The following LOXL2 variants were observed in gnomAD, a reference collection of about 807,000 sequenced individuals.
The protein encoded by LOXL2 is lysyl oxidase like 2.
In LOXL2, 70 loss-of-function variants were observed where a neutral mutation model predicts 93.0. The observed-to-expected ratio is 0.75, with a 90% CI of 0.62 to 0.92. LOXL2 has a LOEUF of 0.92. Among genes scored for constraint, LOXL2 ranks in the 40% least tolerant of loss-of-function variants. The pLI is 0.00. For missense variants in LOXL2, 973 were observed against 1,054.9 expected (o/e 0.92, Z 1.08); for synonymous variants, 438 against 413.2 (o/e 1.06, Z -0.73).
At chr8:23,403,901 C>T (rs1800184658) in intron 1 of LOXL2, 53 bp downstream of exon 1, 1 of 156,834 alleles carries the variant, frequency 6.4e-6, no homozygotes, top group Non-Finnish European at 1.4e-5. Flanking sequence ...AGGGACGCTC[C>T]CGCTTTCTCG....
intron 1 of LOXL2, among the ~76,000 whole-genome samples, 183 bp from the exon 2 acceptor site, chr8:23,368,617 C>T (rs1041300186): frequency 6.6e-6 from 1 of 152,224 alleles, no homozygotes; most frequent in African/African-American, 2.4e-5. Flanking sequence ...TTACCTACTG[C>T]CTTGTCATCT....
chr8:23,400,929 A>C (rs1800145559), intron 1 of LOXL2, among the ~76,000 whole-genome samples: 1 of 152,194 alleles, frequency 6.6e-6, no homozygotes, highest in Non-Finnish European at 1.5e-5. Flanking sequence ...CAAGCACCAA[A>C]TGTCCAATTA....
At chr8:23,349,059 C>G (rs1340756506) in intron 3 of LOXL2, among the ~76,000 whole-genome samples, 1 of 152,124 alleles carries the variant, frequency 6.6e-6, no homozygotes. Context: ...CTTTGCAGAC[C>G]TTCGTGACCC....
At chr8:23,302,242 C>T in intron 11 of LOXL2, 79 bp from the exon 12 acceptor site, 1 of 1,569,772 alleles carries the variant, frequency 6.4e-7, no homozygotes, top group Non-Finnish European at 8.7e-7. Flanking sequence ...TTCCAAGGCC[C>T]CTACCGCTGC....
At position 23,343,581 on chromosome 8, in the gene LOXL2, C is replaced by T. The variant is rs577842575; in HGVS notation, c.532-2378G>A. On this transcript the variant is annotated intron_variant, in intron 3 of 13. Transcript: ENST00000389131. ...CATTCTTTGGGTGCCCAGGGATTCACGTCTCCTCGCCATGGGCTTCAGGGT... is the reference window on the plus strand; with the variant it reads ...CATTCTTTGGGTGCCCAGGGATTCATGTCTCCTCGCCATGGGCTTCAGGGT... Among the ~76,000 whole-genome samples the T allele has an allele frequency of 5.0e-4, 76 of 152,362 alleles. 1 individual carries two copies. The highest frequency in any genetic ancestry group is 1.4e-3 in the African/African-American group (60 of 41,590).
At chr8:23,303,715 G>A (rs1803179979) in intron 10 of LOXL2, among the ~76,000 whole-genome samples, 1 of 152,198 alleles carries the variant, frequency 6.6e-6, no homozygotes, top group African/African-American at 2.4e-5. Flanking sequence ...CATATGATAA[G>A]CACAGAACTC....
intron 1 of LOXL2, chr8:23,382,598 C>T (rs1804695965): frequency 6.6e-6 from 1 of 151,812 alleles, no homozygotes; most frequent in Non-Finnish European, 1.5e-5. Flanking sequence ...TTTATCCTCA[C>T]TTTTTCCCAG....
At chr8:23,340,129 G>A (rs760638303) in intron 4 of LOXL2, among the ~76,000 whole-genome samples, 1 of 152,202 alleles carries the variant, frequency 6.6e-6, no homozygotes, top group Non-Finnish European at 1.5e-5. Context: ...CAGGGTGTGC[G>A]TGAGGCCTGG....
intron 5 of LOXL2, among the ~76,000 whole-genome samples, chr8:23,330,269 G>A (rs1470389612): frequency 6.6e-6 from 1 of 152,228 alleles, no homozygotes; most frequent in Non-Finnish European, 1.5e-5. Flanking sequence ...GGGAGGCGGA[G>A]CTTGCAGTGA....
chr8:23,302,607 C>T (rs762676407), intron 11 of LOXL2, among the ~76,000 whole-genome samples: 1 of 152,224 alleles, frequency 6.6e-6, no homozygotes, highest in Non-Finnish European at 1.5e-5. Flanking sequence ...GAGGTCAACA[C>T]CTGTCTGCTG....
chr8:23,321,844 T>G, intron 7 of LOXL2: 1 of 385,446 alleles, frequency 2.6e-6, no homozygotes, highest in Non-Finnish European at 4.7e-6. Flanking sequence ...CCCACGCCTG[T>G]CTTTGGAGGT....
chr8:23,314,846 T>G (rs1199511086), intron 9 of LOXL2, among the ~76,000 whole-genome samples: 1 of 146,574 alleles, frequency 6.8e-6, no homozygotes, highest in Non-Finnish European at 1.5e-5. Context: ...AAAATAAAAA[T>G]AAAAATAAAA....
chr8:23,384,016 G>A (rs1458047864), intron 1 of LOXL2, among the ~76,000 whole-genome samples: 2 of 152,180 alleles, frequency 1.3e-5, no homozygotes, highest in Non-Finnish European at 2.9e-5. Context: ...AAGTAAGAAC[G>A]TTAGGATTTT....
chr8:23,300,077 G>A (rs1803103869), intron 12 of LOXL2, among the ~76,000 whole-genome samples: 1 of 152,248 alleles, frequency 6.6e-6, no homozygotes, highest in Non-Finnish European at 1.5e-5. Context: ...ATGGCATGGG[G>A]CAAACACAGC....
chr8:23,367,312 G>C (rs1390662667), intron 2 of LOXL2, among the ~76,000 whole-genome samples: 2 of 152,166 alleles, frequency 1.3e-5, no homozygotes, highest in African/African-American at 2.4e-5. Flanking sequence ...GTCTCCCAAA[G>C]TGCTGGGATT....
chr8:23,361,050 G>T (rs540230985), intron 2 of LOXL2, among the ~76,000 whole-genome samples: 1 of 152,160 alleles, frequency 6.6e-6, no homozygotes, highest in African/African-American at 2.4e-5. Flanking sequence ...ACAGGCGCAT[G>T]CCACCACCCC....
chr8:23,361,828 G>T (rs906688039), intron 2 of LOXL2, among the ~76,000 whole-genome samples: 10 of 150,348 alleles, frequency 6.7e-5, no homozygotes, highest in African/African-American at 2.2e-4. Context: ...GACAGAGCAA[G>T]ACTCCGTCTC....
intron 1 of LOXL2, among the ~76,000 whole-genome samples, chr8:23,390,407 G>C (rs1298202296): frequency 1.3e-5 from 2 of 152,238 alleles, no homozygotes; most frequent in African/African-American, 4.8e-5. Context: ...CCTGGCCAAA[G>C]AGTCTACTTC....
chr8:23,302,169 G>T lies in LOXL2; in HGVS notation c.1997-6C>A. The T allele has an allele frequency of 1.2e-6, 2 of 1,614,052 alleles. No homozygotes were observed. Among genetic ancestry groups the T allele is most frequent in the Non-Finnish European group, 1.7e-6 (2 of 1,179,980 alleles). ...CTCGTAATTCTTCTGGATGTCTGCG[G>T]GCAGGGTAGAGGAGAGCTCATCACC... On this transcript the variant is annotated splice_region_variant and splice_polypyrimidine_tract_variant and intron_variant, in intron 11 of 13. Coordinates refer to ENST00000389131, the MANE Select transcript of LOXL2 (RefSeq NM_002318.3).
Sources: gnomAD v4.1 joint callset for allele counts (sites outside exome capture counted in the v4.1 genomes callset) on GRCh38, gnomAD v4.1.1 for gene constraint, MANE v1.5 for transcripts, NCBI Gene and HGNC (gene_info 2026-07-23, HGNC 2026-07-21) for gene names.